The following PRDM2 variants were observed in gnomAD, a reference collection of about 807,000 sequenced individuals.
PRDM2 encodes the protein PR/SET domain 2, also known as PR domain zinc finger protein 2.
In PRDM2, 30 loss-of-function variants were observed where a neutral mutation model predicts 130.0. That is an observed-to-expected ratio of 0.23 (90% confidence interval 0.17 to 0.31). The LOEUF (loss-of-function observed/expected upper bound fraction) is 0.31. Ranked by LOEUF, PRDM2 falls within the 10% of genes least tolerant of loss-of-function variation. PRDM2 has a pLI of 1.00. For missense variants in PRDM2, 2,011 were observed against 2,108.4 expected (o/e 0.95, Z 0.90); for synonymous variants, 871 against 782.4 (o/e 1.11, Z -1.89).
intron 8 of PRDM2, among the ~76,000 whole-genome samples, chr1:13,805,583 AC>A (rs1009989231): frequency 9.9e-5 from 15 of 152,244 alleles, no homozygotes; most frequent in African/African-American, 2.9e-4. Context: ...CAGCATCATC[AC>A]AGGCTTGTCT....
At position 13,797,720 on chromosome 1, in the gene PRDM2, T is replaced by C. The variant is rs536119326; in HGVS notation, c.5036+14889T>C. ...CAGGATGTTTGCTCAGTGGACCACCTACATTAAAAAATCACCTGGGTGATT... is the reference window on the plus strand; with the variant it reads ...CAGGATGTTTGCTCAGTGGACCACCCACATTAAAAAATCACCTGGGTGATT... On this transcript the variant is annotated intron_variant, in intron 8 of 9. Transcript: ENST00000311066. Among the ~76,000 whole-genome samples, 193 of 152,326 alleles carry C rather than the reference T, an allele frequency of 1.3e-3. 2 individuals are homozygous for C. Among genetic ancestry groups the C allele is most frequent in the African/African-American group, 4.3e-3 (180 of 41,564 alleles).
In PRDM2 at chr1:13,714,330, T is replaced by A. The variant is rs1252749527; in HGVS notation, c.-65-1211T>A. Among the ~76,000 whole-genome samples, 17 of 151,402 alleles carry A rather than the reference T, an allele frequency of 1.1e-4. 1 individual carries two copies. Among genetic ancestry groups the A allele is most frequent in the Admixed American group, 1.1e-3 (17 of 15,236 alleles). On this transcript the variant is annotated intron_variant, in intron 1 of 9. Coordinates refer to ENST00000311066, the MANE Select transcript of PRDM2 (RefSeq NM_001393986.1). ...ATGGACTTCATGGTTTAACTTGCAA[T>A]TCTCTGGCTTTTTTTTTTTTTTTCC...
chr1:13,768,676 T>A (rs1446543550), intron 6 of PRDM2, among the ~76,000 whole-genome samples: 2 of 152,306 alleles, frequency 1.3e-5, no homozygotes, highest in East Asian at 3.9e-4. Context: ...GACCCACTGC[T>A]CCTGGCCCTT....
intron 5 of PRDM2, among the ~76,000 whole-genome samples, chr1:13,743,466 G>GAATTTCC (rs1305637809): frequency 5.6e-5 from 8 of 144,126 alleles, no homozygotes; most frequent in Admixed American, 5.5e-4. Context: ...TTCTAAGGCA[G>GAATTTCC]AATTTCCAGC....
At chr1:13,810,097 A>G (rs1645146633) in intron 8 of PRDM2, among the ~76,000 whole-genome samples, 1 of 152,110 alleles carries the variant, frequency 6.6e-6, no homozygotes, top group East Asian at 1.9e-4. Context: ...AAATACAATC[A>G]CATTGGGGGT....
intron 6 of PRDM2, among the ~76,000 whole-genome samples, chr1:13,767,613 G>C (rs1157559836): frequency 6.6e-6 from 1 of 151,930 alleles, no homozygotes; most frequent in African/African-American, 2.4e-5. Context: ...GCCGATGCAA[G>C]TCTTTATGCA....
chr1:13,757,503 C>G (rs1046955811), intron 6 of PRDM2, among the ~76,000 whole-genome samples: 2 of 152,200 alleles, frequency 1.3e-5, no homozygotes, highest in African/African-American at 2.4e-5. Flanking sequence ...CTCTGCAGCA[C>G]TGGTCTTGTG....
intron 7 of PRDM2, 74 bp downstream of exon 7, chr1:13,773,262 TA>T: frequency 2.2e-6 from 2 of 889,908 alleles, no homozygotes; most frequent in Non-Finnish European, 1.6e-6. Context: ...TATCTCTTTA[TA>T]TTGTCCTTCT....
chr1:13,774,527 G>A (rs1644428589), intron 7 of PRDM2, among the ~76,000 whole-genome samples: 1 of 152,164 alleles, frequency 6.6e-6, no homozygotes, highest in African/African-American at 2.4e-5. Flanking sequence ...CCTCATTGCA[G>A]GTGTGCCGAG....
intron 9 of PRDM2, among the ~76,000 whole-genome samples, chr1:13,817,461 C>A (rs1049026599): frequency 6.6e-6 from 1 of 151,950 alleles, no homozygotes; most frequent in African/African-American, 2.4e-5. Context: ...TTTTGGAGTA[C>A]CTGGATTCTG....
rs186169937 is a variant in PRDM2, at chr1:13,727,567, T to G, written c.10-3433T>G. Among the ~76,000 whole-genome samples, 341 of 152,366 alleles carry G rather than the reference T, an allele frequency of 2.2e-3. 1 individual carries two copies. The highest frequency in any genetic ancestry group is 3.8e-3 in the Non-Finnish European group (257 of 68,040). ...ACCACGCCTCGCGTTCCCCTCTTTT[T>G]TTTCATTCGCCACTGATCGGAAGGC... On this transcript the variant is annotated intron_variant, in intron 2 of 9. Coordinates refer to ENST00000311066, the MANE Select transcript of PRDM2 (RefSeq NM_001393986.1).
In PRDM2 at chr1:13,803,891, C is replaced by T. The variant is rs1464872385; in HGVS notation, c.5037-12536C>T. ...GCTTAGAAGCTCCACAAAGCAGGGG[C>T]GTGATTGATCTTTTGGGAGCGTGGA... On this transcript the variant is annotated intron_variant, in intron 8 of 9. Transcript: ENST00000311066. The surrounding 1 kb of genome is among the most constrained non-coding windows in gnomAD (Gnocchi z 6.2). 1.3e-5 allele frequency among the ~76,000 whole-genome samples: 2 copies of T among 152,218 alleles called. No individual in the cohort carries two copies. The highest frequency in any genetic ancestry group is 2.1e-4 in the South Asian group (1 of 4,812).
rs1356668295 is a variant in PRDM2, at chr1:13,779,792, G to A, written c.1997G>A (p.Ser666Asn). The A allele has an allele frequency of 1.2e-6, 2 of 1,614,230 alleles. No homozygotes were observed. Among genetic ancestry groups the A allele is most frequent in the Non-Finnish European group, 1.7e-6 (2 of 1,180,036 alleles). ...CCCATGGTCCCCTCTTGCTCTTTAA[G>A]TCTTCCTCTTAGCATATCAACAACA... ...SDPMVPSCSL[S>N]LPLSISTTEA... Residue 666 changes from serine to asparagine, a missense_variant, in exon 8 of 10, where the codon AGT becomes AAT. Physicochemically the swap from Ser to Asn is conservative, Grantham distance 46 (BLOSUM62 1). Transcript: ENST00000311066. This position sits in a 1 kb window ranked among gnomAD's most constrained non-coding sequence, Gnocchi z 4.9.
chr1:13,704,333 T>A (rs1330918421), intron 1 of PRDM2, among the ~76,000 whole-genome samples: 4 of 151,940 alleles, frequency 2.6e-5, no homozygotes, highest in Admixed American at 6.6e-5. Flanking sequence ...TCTGGCTCAT[T>A]TGGAATGAAA....
In PRDM2 at chr1:13,823,408, G is replaced by A; in HGVS notation, c.*273G>A. The A allele has an allele frequency of 1.7e-6, 1 of 582,306 alleles. No homozygotes were observed. Among genetic ancestry groups the A allele is most frequent in the Non-Finnish European group, 3.1e-6 (1 of 323,260 alleles). The allele number at this position is 582,306 out of a possible 1,614,324, so 36.1% of individuals were successfully genotyped here. A position where few individuals can be genotyped will look rare whatever the true frequency, so the allele number is the denominator to read the frequency against. On this transcript the variant is annotated 3_prime_UTR_variant, in exon 10 of 10. Transcript: ENST00000311066. ...CTGTCCTTTGGGATGATACTTGGAT[G>A]CAGCTCTTGGGACCGTGTTCTGCAG...
At chr1:13,811,778 G>A (rs1480311098) in intron 8 of PRDM2, among the ~76,000 whole-genome samples, 1 of 152,246 alleles carries the variant, frequency 6.6e-6, no homozygotes, top group Non-Finnish European at 1.5e-5. Context: ...AAGACAGAAG[G>A]GAACTCCAAA....
chr1:13,798,202 A>G (rs117513733), intron 8 of PRDM2, among the ~76,000 whole-genome samples: 2,848 of 152,294 alleles, frequency 0.019, 84 homozygotes, highest in South Asian at 0.11. Flanking sequence ...AAAGAAAAAG[A>G]AATCCTCAAG....
At chr1:13,791,115 T>G (rs928992764) in intron 8 of PRDM2, among the ~76,000 whole-genome samples, 6 of 136,182 alleles carry the variant, frequency 4.4e-5, no homozygotes, top group Non-Finnish European at 6.4e-5. Context: ...ATAGGTAGGG[T>G]TTTTTTTTTT....
At position 13,778,599 on chromosome 1, in the gene PRDM2, A is replaced by AGAG. The variant is rs763091733; in HGVS notation, c.816_818dup (p.Glu276dup). 3 of 1,611,606 alleles carry AGAG rather than the reference A, an allele frequency of 1.9e-6. No homozygotes were observed. Among genetic ancestry groups the AGAG allele is most frequent in the South Asian group, 2.2e-5 (2 of 90,706 alleles). On this transcript the variant is annotated inframe_insertion, in exon 8 of 10. Coordinates refer to ENST00000311066, the MANE Select transcript of PRDM2 (RefSeq NM_001393986.1). ...CTTGTGAGGTGAATGATTTGGGGGAAGAGGAGGAGGAGGAAGAGGAGGAGG... is the reference window on the plus strand; with the variant it reads ...CTTGTGAGGTGAATGATTTGGGGGAAGAGGAGGAGGAGGAGGAAGAGGAGGAGG...
Sources: gnomAD v4.1 joint callset for allele counts (sites outside exome capture counted in the v4.1 genomes callset) on GRCh38, gnomAD v4.1.1 for gene constraint, Gnocchi (gnomAD v3.1) non-coding constraint, MANE v1.5 for transcripts, NCBI Gene and HGNC (gene_info 2026-07-23, HGNC 2026-07-21) for gene names.